The following FBXO43 variants were observed in gnomAD, a reference collection of about 807,000 sequenced individuals.
FBXO43 encodes the protein F-box only protein 43.
A neutral mutation model predicts 56.7 loss-of-function variants in FBXO43; 22 were observed. The observed-to-expected ratio is 0.39, with a 90% confidence interval of 0.28 to 0.55. The LOEUF (loss-of-function observed/expected upper bound fraction) is 0.55. Ranked by LOEUF, FBXO43 falls within the 20% of genes least tolerant of loss-of-function variation. The pLI, the probability that FBXO43 is intolerant of heterozygous loss-of-function variation, is 0.66. For missense variants in FBXO43, 733 were observed against 814.9 expected (o/e 0.90, Z 1.22); for synonymous variants, 306 against 294.5 (o/e 1.04, Z -0.40).
upstream of FBXO43, among the ~76,000 whole-genome samples, chr8:100,145,974 C>A (rs1445730387): frequency 6.6e-6 from 1 of 152,236 alleles, no homozygotes; most frequent in African/African-American, 2.4e-5. Flanking sequence ...CACCCCTGCA[C>A]CCGTCCCGAG....
intron 2 of FBXO43, among the ~76,000 whole-genome samples, chr8:100,138,539 T>C (rs1814543396): frequency 6.6e-6 from 1 of 152,156 alleles, no homozygotes; most frequent in Non-Finnish European, 1.5e-5. Flanking sequence ...GCCACAGACA[T>C]TGCAACTGAT....
At chr8:100,137,701 C>T (rs771114810) in intron 2 of FBXO43, 34 bp from the exon 3 acceptor site, 2 of 1,465,744 alleles carry the variant, frequency 1.4e-6, no homozygotes, top group African/African-American at 1.4e-5. Flanking sequence ...ATATTGCATA[C>T]ATTCTATAGG....
Position 100,139,243 on chromosome 8 carries a change from C to A in FBXO43, c.1571+1440G>T, listed in dbSNP as rs190027220. Among the ~76,000 whole-genome samples, 8 of 152,060 alleles carry A rather than the reference C, an allele frequency of 5.3e-5. No homozygotes were observed. In the East Asian group the frequency reaches 1.2e-3, roughly 22 times the overall value. On this transcript the variant is annotated intron_variant, in intron 2 of 4. Coordinates refer to ENST00000428847, the MANE Select transcript of FBXO43 (RefSeq NM_001029860.4). ...CCTACAGTTCTCTATAATAGACATA[C>A]AATTAATGTATGGAGGAAAGATAAA...
chr8:100,140,096 G>C (rs1441356699), intron 2 of FBXO43, among the ~76,000 whole-genome samples: 1 of 152,114 alleles, frequency 6.6e-6, no homozygotes, highest in Admixed American at 6.6e-5. Flanking sequence ...TCAACTTTTA[G>C]CAACTCTCTT....
At chr8:100,135,923 TTTTC>T (rs2132121002) in intron 3 of FBXO43, among the ~76,000 whole-genome samples, 1 of 136,838 alleles carries the variant, frequency 7.3e-6, no homozygotes, top group African/African-American at 3.5e-5. Flanking sequence ...AGACTATTTC[TTTTC>T]TTTTTTTTTT....
At chr8:100,148,885 TATA>T (rs1814874203), upstream of FBXO43, among the ~76,000 whole-genome samples, 2 of 152,130 alleles carry the variant, frequency 1.3e-5, no homozygotes, top group Non-Finnish European at 2.9e-5. Flanking sequence ...TTTAAGTGAA[TATA>T]ATCAAGGAAA....
intron 3 of FBXO43, 29 bp from the exon 4 acceptor site, chr8:100,134,393 C>T (rs370217279): frequency 2.5e-6 from 4 of 1,583,354 alleles, no homozygotes; most frequent in Middle Eastern, 4.2e-4. Context: ...GGCATCAATA[C>T]TGCAATACCA....
rs760783005 is a variant in FBXO43 at position 100,145,432 on chromosome 8, G to A, written c.-297C>T. ...GCACTGACTCCCCCGAGGAGCTATGGCGGGCGGGTGGGTAACGGTCTCACC... is the reference window on the plus strand; with the variant it reads ...GCACTGACTCCCCCGAGGAGCTATGACGGGCGGGTGGGTAACGGTCTCACC... On this transcript the variant is annotated 5_prime_UTR_variant, in exon 1 of 5. Transcript: ENST00000428847. 1.9e-5 allele frequency: 5 copies of A among 257,660 alleles called. No individual in the cohort carries two copies. The highest frequency in any genetic ancestry group is 3.7e-5 in the Non-Finnish European group (5 of 136,392). The allele number at this position is 257,660 out of a possible 1,614,324, so 16.0% of individuals were successfully genotyped here.
At chr8:100,144,954 GAAAAAGAAA>G (rs1298954061) in intron 1 of FBXO43, 88 bp downstream of exon 1, 3 of 1,336,000 alleles carry the variant, frequency 2.2e-6, no homozygotes, top group African/African-American at 1.5e-5. Context: ...AAAGAAAAAA[GAAAAAGAAA>G]AAAAAGAAAA....
At position 100,140,969 on chromosome 8, in the gene FBXO43, C is replaced by T. The variant is rs769597754; in HGVS notation, c.1285G>A (p.Asp429Asn). 5.0e-6 allele frequency: 8 copies of T among 1,614,094 alleles called. No homozygotes were observed. In the Admixed American group the frequency reaches 1.2e-4, roughly 24 times the overall value. The part of the protein sequence containing the change: ...EGQLSSDESG[D>N]LTFSLKNLSK... ...AAATTCTTTAAGCTAAAGGTCAAAT[C>T]CCCACTCTCATCACTACTCAGCTGA... Residue 429 changes from aspartate (D) to asparagine (N), a missense_variant, in exon 2 of 5, where the codon GAT (aspartate) becomes AAT (asparagine). By Grantham distance (23) the Asp-to-Asn change is conservative. Coordinates refer to ENST00000428847, the MANE Select transcript of FBXO43 (RefSeq NM_001029860.4).
upstream of FBXO43, among the ~76,000 whole-genome samples, chr8:100,148,841 C>T (rs2132153745): frequency 6.6e-6 from 1 of 152,156 alleles, no homozygotes; most frequent in South Asian, 2.1e-4. Flanking sequence ...GGAGATTTCC[C>T]AAATTACCAT....
At chr8:100,134,604 T>C (rs988292239) in intron 3 of FBXO43, among the ~76,000 whole-genome samples, 1 of 152,072 alleles carries the variant, frequency 6.6e-6, no homozygotes, top group Non-Finnish European at 1.5e-5. Context: ...TTCATCTAAG[T>C]TTGTATGGCT....
chr8:100,138,197 TAAAGA>T (rs1416941782), intron 2 of FBXO43, among the ~76,000 whole-genome samples: 1 of 152,174 alleles, frequency 6.6e-6, no homozygotes, highest in Non-Finnish European at 1.5e-5. Flanking sequence ...ATGAAGCAGC[TAAAGA>T]AAAAACACAA....
rs772445862 is a variant in FBXO43, at chr8:100,141,470, T to C, written c.784A>G (p.Ile262Val). 6.2e-7 allele frequency: 1 copy of C among 1,613,364 alleles called. No individual in the cohort carries two copies. The highest frequency in any genetic ancestry group is 8.5e-7 in the Non-Finnish European group (1 of 1,180,014). Residue 262 changes from isoleucine to valine, a missense_variant, in exon 2 of 5, where the codon ATC (isoleucine) becomes GTC (valine). By Grantham distance (29) the Ile-to-Val change is conservative. Transcript: ENST00000428847. ...CTGCTATCACTAAAGTCATGTGTGA[T>C]AGAGTCTTTAAAATTATTGCCCTGA... ...PIQGNNFKDS[I>V]THDFSDSSLC...
intron 3 of FBXO43, among the ~76,000 whole-genome samples, chr8:100,136,327 T>G (rs942251710): frequency 1.3e-5 from 2 of 152,262 alleles, no homozygotes; most frequent in African/African-American, 4.8e-5. Context: ...TATTTGTTTA[T>G]GCCATGCTTT....
intron 3 of FBXO43, chr8:100,137,346 C>T: frequency 2.6e-6 from 1 of 387,290 alleles, no homozygotes; most frequent in African/African-American, 2.2e-5. Context: ...AGGCGTGAGC[C>T]ACCGCGCCTG....
intron 3 of FBXO43, chr8:100,137,055 T>TC (rs1814490110): frequency 4.3e-5 from 1 of 23,042 alleles, no homozygotes; most frequent in East Asian, 2.8e-3. Flanking sequence ...CAAGATGTTC[T>TC]TTTTTTTTTG....
At chr8:100,149,680 GA>G (rs1349328436), upstream of FBXO43, among the ~76,000 whole-genome samples, 1 of 152,174 alleles carries the variant, frequency 6.6e-6, no homozygotes, top group East Asian at 1.9e-4. Context: ...AGTGAAAGGT[GA>G]AGCTCAAAGT....
chr8:100,134,186 C>A lies in FBXO43; in HGVS notation c.1853G>T (p.Ser618Ile). The A allele has an allele frequency of 1.2e-6, 2 of 1,614,098 alleles. No homozygotes were observed. Among genetic ancestry groups the A allele is most frequent in the Non-Finnish European group, 1.7e-6 (2 of 1,179,980 alleles). Residue 618 changes from serine (S) to isoleucine (I), a missense_variant, in exon 4 of 5, where the codon AGT (serine) becomes ATT (isoleucine). Ser to Ile is a moderately radical substitution (Grantham distance 142). Transcript: ENST00000428847. ...CTTAACATATTCTTCCTGTTTACTA[C>A]TTAAGTGAGTAACAGAAGAGCTTGC... ...PLASSSVTHL[S>I]SKQEEYVKVA...
Sources: gnomAD v4.1 joint callset for allele counts (sites outside exome capture counted in the v4.1 genomes callset) on GRCh38, gnomAD v4.1.1 for gene constraint, MANE v1.5 for transcripts, NCBI Gene and HGNC (gene_info 2026-07-23, HGNC 2026-07-21) for gene names.